The following UMAD1 variants were observed in gnomAD, a reference collection of about 807,000 sequenced individuals.
The protein encoded by UMAD1 is UBAP1-MVB12-associated (UMA) domain containing 1, also known as UBAP1-MVB12-associated (UMA)-domain containing protein 1.
Under a neutral mutation model 6.1 loss-of-function variants are expected in UMAD1, and 8 were observed. That is an observed-to-expected ratio of 1.30 (90% confidence interval 0.76 to 2.35). The LOEUF is 2.35. Among genes scored for constraint, UMAD1 ranks in the 30% most tolerant of loss-of-function variants. UMAD1 has a pLI of 0.00. For missense variants in UMAD1, 130 were observed against 78.4 expected (o/e 1.66, Z -2.49); for synonymous variants, 56 against 31.4 (o/e 1.78, Z -2.61).
intron 2 of UMAD1, among the ~76,000 whole-genome samples, chr7:7,796,030 G>C (rs888392733): frequency 2.0e-5 from 3 of 151,914 alleles, no homozygotes; most frequent in African/African-American, 4.8e-5. Flanking sequence ...CTGACAAGGG[G>C]ACAGAACCAC....
intron 1 of UMAD1, among the ~76,000 whole-genome samples, chr7:7,663,284 C>CTTCCTTTGTT (rs1554311410): frequency 1.5e-5 from 1 of 66,298 alleles, no homozygotes; most frequent in African/African-American, 5.4e-5. Context: ...ATAGTTTTTT[C>CTTCCTTTGTT]TTTCTTTGTT....
intron 2 of UMAD1, among the ~76,000 whole-genome samples, chr7:7,675,809 G>T (rs1779724970): frequency 6.6e-6 from 1 of 152,160 alleles, no homozygotes. Context: ...TGCAGCTGGT[G>T]CTGTACCTGG....
chr7:7,803,338 G>A (rs533231079), intron 3 of UMAD1, among the ~76,000 whole-genome samples: 1 of 152,284 alleles, frequency 6.6e-6, no homozygotes, highest in South Asian at 2.1e-4. Context: ...AGCTGAGTGT[G>A]GTGGCACATG....
intron 2 of UMAD1, among the ~76,000 whole-genome samples, chr7:7,782,278 G>A (rs1040343699): frequency 4.6e-5 from 7 of 151,772 alleles, no homozygotes; most frequent in African/African-American, 1.4e-4. Context: ...TTTTCCTCTC[G>A]GATTTTTTTC....
At chr7:7,644,553 T>C (rs746795627) in intron 1 of UMAD1, among the ~76,000 whole-genome samples, 1 of 152,244 alleles carries the variant, frequency 6.6e-6, no homozygotes, top group Non-Finnish European at 1.5e-5. Flanking sequence ...GAATTCACTC[T>C]TCATGTATGT....
intron 1 of UMAD1, among the ~76,000 whole-genome samples, chr7:7,660,688 T>C (rs954898089): frequency 1.3e-5 from 2 of 152,236 alleles, no homozygotes; most frequent in African/African-American, 2.4e-5. Context: ...TCTGATGGAC[T>C]TCCCTTTGTG....
intron 2 of UMAD1, among the ~76,000 whole-genome samples, chr7:7,684,671 A>G (rs1007555264): frequency 3.3e-5 from 5 of 152,340 alleles, no homozygotes; most frequent in African/African-American, 7.2e-5. Flanking sequence ...TAATTATACA[A>G]TGTGAATTCC....
chr7:7,729,194 G>A (rs1270867941), intron 2 of UMAD1, among the ~76,000 whole-genome samples: 1 of 152,178 alleles, frequency 6.6e-6, no homozygotes, highest in Non-Finnish European at 1.5e-5. Context: ...TTTGGTGAGT[G>A]GGAAAAGGCC....
chr7:7,862,868 G>A (rs1287866297), intron 3 of UMAD1, among the ~76,000 whole-genome samples: 8 of 152,054 alleles, frequency 5.3e-5, no homozygotes, highest in African/African-American at 1.9e-4. Flanking sequence ...AAATTATTTC[G>A]CTTGATGGAA....
intron 3 of UMAD1, among the ~76,000 whole-genome samples, chr7:7,839,404 A>T (rs1030035017): frequency 6.6e-6 from 1 of 152,128 alleles, no homozygotes; most frequent in African/African-American, 2.4e-5. Flanking sequence ...TTGTACACAT[A>T]GGGTCCCCCT....
At position 7,874,415 on chromosome 7, in the gene UMAD1, A is replaced by C. The variant is rs111424871; in HGVS notation, c.157-2866A>C. ...CACCTTTCCAACAATATGTTCTTCA[A>C]GATTTTTTTCATCTAACATGCAACA... On this transcript the variant is annotated intron_variant, in intron 3 of 3. Coordinates refer to ENST00000682710, the MANE Select transcript of UMAD1 (RefSeq NM_001302348.2). 1.4e-4 allele frequency among the ~76,000 whole-genome samples: 22 copies of C among 152,362 alleles called. 1 individual carries two copies. Among genetic ancestry groups the C allele is most frequent in the Middle Eastern group, 3.4e-3 (1 of 294 alleles).
intron 2 of UMAD1, among the ~76,000 whole-genome samples, chr7:7,728,421 G>C (rs1253821887): frequency 6.6e-6 from 1 of 152,086 alleles, no homozygotes; most frequent in Non-Finnish European, 1.5e-5. Context: ...CAAGGTGGGC[G>C]GATCATGAGG....
At position 7,744,458 on chromosome 7, in the gene UMAD1, T is replaced by C. The variant is rs188334526; in HGVS notation, c.83-57212T>C. Among the ~76,000 whole-genome samples, 42 of 152,304 alleles carry C rather than the reference T, an allele frequency of 2.8e-4. 1 individual carries two copies. Among genetic ancestry groups the C allele is most frequent in the Admixed American group, 2.7e-3 (41 of 15,298 alleles). On this transcript the variant is annotated intron_variant, in intron 2 of 3. Transcript: ENST00000682710. ...ACCTAGGAGTAGAATTGCTAGGTTA[T>C]ATGGCAGTCCTATGTTTAACCATTC...
At chr7:7,758,719 C>T (rs1010343618) in intron 2 of UMAD1, among the ~76,000 whole-genome samples, 3 of 152,158 alleles carry the variant, frequency 2.0e-5, no homozygotes, top group Non-Finnish European at 4.4e-5. Flanking sequence ...TTCAATGTTG[C>T]ATTTTTCAGA....
chr7:7,681,587 G>A (rs1297371456), intron 2 of UMAD1, among the ~76,000 whole-genome samples: 3 of 152,092 alleles, frequency 2.0e-5, no homozygotes, highest in African/African-American at 7.2e-5. Context: ...GAAGGTAATA[G>A]CTATTCCTTC....
chr7:7,689,331 T>C (rs1780117883), intron 2 of UMAD1: 2 of 152,156 alleles, frequency 1.3e-5, no homozygotes, highest in African/African-American at 4.8e-5. Context: ...CCAACTTTGC[T>C]TAGGAGAGCT....
chr7:7,767,128 C>CTTTTTT (rs71014711), intron 2 of UMAD1, among the ~76,000 whole-genome samples: 5 of 129,794 alleles, frequency 3.9e-5, no homozygotes, highest in South Asian at 2.6e-4. Context: ...AAATTAAGCT[C>CTTTTTT]TTTTTTTTTT....
chr7:7,726,699 A>G, intron 2 of UMAD1, among the ~76,000 whole-genome samples: 1 of 152,146 alleles, frequency 6.6e-6, no homozygotes, highest in East Asian at 1.9e-4. Context: ...TTAGTTCCAG[A>G]TAGAGATGTT....
At chr7:7,649,363 C>G (rs978092981) in intron 1 of UMAD1, among the ~76,000 whole-genome samples, 21 of 151,920 alleles carry the variant, frequency 1.4e-4, no homozygotes, top group African/African-American at 4.8e-4. Context: ...AACTACTCCC[C>G]CAATAACTTA....
Sources: gnomAD v4.1 joint callset for allele counts (sites outside exome capture counted in the v4.1 genomes callset) on GRCh38, gnomAD v4.1.1 for gene constraint, MANE v1.5 for transcripts, NCBI Gene and HGNC (gene_info 2026-07-23, HGNC 2026-07-21) for gene names.